Variants in SCAF8 observed in about 807,000 individuals in gnomAD.
SCAF8 encodes SR-related and CTD-associated factor 8.
Under a neutral mutation model 140.5 loss-of-function variants are expected in SCAF8, and 23 were observed. That is an observed-to-expected ratio of 0.16 (90% CI 0.12 to 0.23). SCAF8 has a LOEUF of 0.23. Ranked by LOEUF, SCAF8 falls within the 10% of genes least tolerant of loss-of-function variation. The probability of loss-of-function intolerance (pLI) is 1.00; values close to 1 mark genes in which losing one functional copy is unlikely to be tolerated. For missense variants in SCAF8, 1,397 were observed against 1,555.7 expected (o/e 0.90, Z 1.72); for synonymous variants, 575 against 528.9 (o/e 1.09, Z -1.20).
chr6:154,750,740 A>C (rs950403072), intron 1 of SCAF8, among the ~76,000 whole-genome samples: 7 of 152,198 alleles, frequency 4.6e-5, no homozygotes. Context: ...AGTCTACTGT[A>C]AGCAATTTAT....
At chr6:154,807,025 G>A (rs1777937590) in intron 9 of SCAF8, among the ~76,000 whole-genome samples, 1 of 152,232 alleles carries the variant, frequency 6.6e-6, no homozygotes, top group African/African-American at 2.4e-5. Context: ...GATTTGTTGA[G>A]CTATAAATGT....
At chr6:154,757,871 A>G (rs1338173750) in intron 1 of SCAF8, among the ~76,000 whole-genome samples, 1 of 150,240 alleles carries the variant, frequency 6.7e-6, no homozygotes, top group African/African-American at 2.4e-5. Flanking sequence ...TCCCTCGAGC[A>G]GTGGACAGAT....
intron 2 of SCAF8, among the ~76,000 whole-genome samples, chr6:154,777,464 T>C (rs915936329): frequency 6.6e-6 from 1 of 152,146 alleles, no homozygotes; most frequent in Non-Finnish European, 1.5e-5. Flanking sequence ...TAGGATATTA[T>C]ACATTTCTAT....
chr6:154,782,043 A>G (rs1301469560), intron 3 of SCAF8, among the ~76,000 whole-genome samples: 1 of 152,206 alleles, frequency 6.6e-6, no homozygotes, highest in Non-Finnish European at 1.5e-5. Flanking sequence ...AAACTACTCT[A>G]AAGAATACTC....
intron 1 of SCAF8, among the ~76,000 whole-genome samples, chr6:154,738,357 T>G (rs1183878443): frequency 6.6e-6 from 1 of 152,222 alleles, no homozygotes; most frequent in African/African-American, 2.4e-5. Flanking sequence ...GGAGTTGACC[T>G]TTCACTTCTG....
rs756179090 is a variant in SCAF8, at chr6:154,795,080, A to G, written c.547A>G (p.Thr183Ala). 28 of 1,613,720 alleles carry G rather than the reference A, an allele frequency of 1.7e-5. No homozygotes were observed. Among genetic ancestry groups the G allele is most frequent in the African/African-American group, 2.7e-5 (2 of 74,902 alleles). Residue 183 changes from threonine (T) to alanine (A), a missense_variant, in exon 6 of 20, where the codon ACA becomes GCA. Thr to Ala is a moderately conservative substitution (Grantham distance 58). Around this residue, in one of 5 missense-constraint regions of SCAF8, gnomAD observed 339 missense variants for 407.5 expected, o/e 0.83. Transcript: ENST00000367178. ...GLPDPWVSQI[T>A]NTDTLAAVAQ... ...ACCTGATCCGTGGGTATCTCAGATA[A>G]CAAATACAGATACACTTGCGGCTGT...
At chr6:154,761,189 T>C (rs1418626088) in intron 1 of SCAF8, among the ~76,000 whole-genome samples, 2 of 152,204 alleles carry the variant, frequency 1.3e-5, no homozygotes, top group Non-Finnish European at 2.9e-5. Flanking sequence ...GTGCTTTGTT[T>C]GCAGTTACAT....
intron 1 of SCAF8, among the ~76,000 whole-genome samples, chr6:154,740,081 T>C (rs933020459): frequency 5.8e-4 from 88 of 152,266 alleles, no homozygotes; most frequent in African/African-American, 2.1e-3. Context: ...ATTCTGTCAG[T>C]CAGGCTATAT....
chr6:154,784,155 A>ATATTTATT lies in SCAF8; in HGVS notation c.160-3696_160-3689dup, dbSNP rs1160861616. 9.2e-3 allele frequency among the ~76,000 whole-genome samples: 842 copies of ATATTTATT among 91,622 alleles called. 10 individuals carry two copies. Among genetic ancestry groups the ATATTTATT allele is most frequent in the Middle Eastern group, 0.029 (4 of 140 alleles). The allele number at this position is 91,622 out of a possible 152,430, so 60.1% of individuals were successfully genotyped here. ...TATATATATATATATATATATATAT[A>ATATTTATT]TATTTATTTATTTATTTTTCATGTA... On this transcript the variant is annotated intron_variant, in intron 3 of 19. Coordinates refer to ENST00000367178, the MANE Select transcript of SCAF8 (RefSeq NM_014892.5).
At chr6:154,750,713 C>T (rs1014262072) in intron 1 of SCAF8, among the ~76,000 whole-genome samples, 1 of 152,142 alleles carries the variant, frequency 6.6e-6, no homozygotes, top group African/African-American at 2.4e-5. Context: ...CTCTTAGTTA[C>T]ATAATTCTTT....
chr6:154,755,415 G>A (rs1159252706), intron 1 of SCAF8, among the ~76,000 whole-genome samples: 2 of 151,936 alleles, frequency 1.3e-5, no homozygotes, highest in East Asian at 1.9e-4. Flanking sequence ...CACCATGCCC[G>A]GCTAATTTTT....
chr6:154,819,186 T>G (rs1183671905), intron 14 of SCAF8, among the ~76,000 whole-genome samples: 1 of 152,224 alleles, frequency 6.6e-6, no homozygotes, highest in Non-Finnish European at 1.5e-5. Context: ...ATTAAAAACT[T>G]TAACTACTTT....
chr6:154,739,095 C>T (rs1268190083), intron 1 of SCAF8, among the ~76,000 whole-genome samples: 2 of 152,150 alleles, frequency 1.3e-5, no homozygotes, highest in African/African-American at 4.8e-5. Flanking sequence ...AAGTGATCTT[C>T]CTGCTTCAGC....
intron 1 of SCAF8, among the ~76,000 whole-genome samples, chr6:154,770,388 ACTCTCTCTCT>A (rs58596375): frequency 0.033 from 4,685 of 141,942 alleles, 242 homozygotes; most frequent in African/African-American, 0.11. Flanking sequence ...ACACACACAC[ACTCTCTCTCT>A]CTCTCTCTCT....
At chr6:154,766,040 T>C (rs1776553856) in intron 1 of SCAF8, among the ~76,000 whole-genome samples, 1 of 150,598 alleles carries the variant, frequency 6.6e-6, no homozygotes, top group Non-Finnish European at 1.5e-5. Context: ...TTATATGTTA[T>C]ATATATTATA....
In SCAF8 at chr6:154,810,069, C is replaced by T. The variant is rs751156035; in HGVS notation, c.1281C>T (p.His427=). The stretch of plus-strand genomic sequence containing the variant: ...GGTCTGGCTCTAGAAAGCGTAAACA[C>T]AGAAAGCGATCACGCTCCCGCTCAA... The part of the protein sequence containing the change: ...RSRSGSRKRK[H]RKRSRSRSRE... Residue 427 remains histidine, a synonymous_variant, in exon 12 of 20, where the codon CAC becomes CAT. Transcript: ENST00000367178. 7 of 1,613,366 alleles carry T rather than the reference C, an allele frequency of 4.3e-6. No homozygotes were observed. In the African/African-American group the frequency reaches 8.0e-5, roughly 18 times the overall value.
At chr6:154,737,688 C>T (rs974115159) in intron 1 of SCAF8, among the ~76,000 whole-genome samples, 1 of 151,892 alleles carries the variant, frequency 6.6e-6, no homozygotes, top group East Asian at 2.0e-4. Flanking sequence ...GGCAACAGTG[C>T]GACCCTGAAT....
intron 16 of SCAF8, 82 bp from the exon 17 acceptor site, chr6:154,824,152 G>A (rs967805219): frequency 1.1e-4 from 159 of 1,393,904 alleles, no homozygotes; most frequent in South Asian, 7.2e-4. Flanking sequence ...TCCTGAAAGA[G>A]AAATAGAATA....
chr6:154,831,243 T>A, intron 19 of SCAF8, 103 bp downstream of exon 19: 1 of 662,170 alleles, frequency 1.5e-6, no homozygotes, highest in South Asian at 2.3e-5. Context: ...CTACAGATGC[T>A]GAAATGTCGC....
Sources: allele counts gnomAD v4.1 joint callset (sites outside exome capture counted in the v4.1 genomes callset), GRCh38; gene constraint gnomAD v4.1.1; regional missense constraint gnomAD v4.1.1; transcripts MANE v1.5; gene names NCBI Gene and HGNC (gene_info 2026-07-23, HGNC 2026-07-21).